The following IMMP2L variants were observed in gnomAD, a reference collection of about 807,000 sequenced individuals.
IMMP2L encodes the protein mitochondrial inner membrane protease subunit 2.
A neutral mutation model predicts 19.3 loss-of-function variants in IMMP2L; 18 were observed. That is an observed-to-expected ratio of 0.93 (90% CI 0.64 to 1.38). The LOEUF is 1.38. Among genes scored for constraint, IMMP2L ranks in the 40% most tolerant of loss-of-function variants. The pLI, the probability that IMMP2L is intolerant of heterozygous loss-of-function variation, is 0.00. For missense variants in IMMP2L, 233 were observed against 218.2 expected (o/e 1.07, Z -0.43); for synonymous variants, 76 against 73.0 (o/e 1.04, Z -0.21).
chr7:110,818,038 A>T (rs1475573682), intron 5 of IMMP2L, among the ~76,000 whole-genome samples: 1 of 149,508 alleles, frequency 6.7e-6, no homozygotes, highest in South Asian at 2.1e-4. Context: ...ATTACCATTC[A>T]GGACATAGGC....
chr7:110,726,120 A>C (rs1795869315), intron 5 of IMMP2L, among the ~76,000 whole-genome samples: 1 of 152,188 alleles, frequency 6.6e-6, no homozygotes, highest in East Asian at 1.9e-4. Context: ...CTCCTATATC[A>C]AACTGCCTCT....
intron 3 of IMMP2L, among the ~76,000 whole-genome samples, chr7:111,221,695 A>T (rs1812536994): frequency 6.6e-6 from 1 of 152,024 alleles, no homozygotes; most frequent in African/African-American, 2.4e-5. Context: ...ATTTGTGGCA[A>T]TTAATAGATC....
intron 3 of IMMP2L, among the ~76,000 whole-genome samples, chr7:111,249,981 T>C (rs939001121): frequency 3.3e-5 from 5 of 152,138 alleles, no homozygotes; most frequent in Non-Finnish European, 2.9e-5. Flanking sequence ...TGTTTGCAGA[T>C]GACATAATCC....
At chr7:111,073,628 T>G (rs182903364) in intron 3 of IMMP2L, among the ~76,000 whole-genome samples, 2 of 152,270 alleles carry the variant, frequency 1.3e-5, no homozygotes, top group African/African-American at 4.8e-5. Flanking sequence ...GATTATTCCC[T>G]GTGGCATCAT....
intron 4 of IMMP2L, among the ~76,000 whole-genome samples, chr7:110,888,241 AGT>A (rs1169689694): frequency 6.6e-6 from 1 of 152,218 alleles, no homozygotes; most frequent in Non-Finnish European, 1.5e-5. Flanking sequence ...CTGTAATATA[AGT>A]GTTCTTCAAT....
At chr7:110,805,048 A>T (rs1801529826) in intron 5 of IMMP2L, among the ~76,000 whole-genome samples, 1 of 152,140 alleles carries the variant, frequency 6.6e-6, no homozygotes, top group South Asian at 2.1e-4. Flanking sequence ...GAAAAAATTG[A>T]CTTTAATATT....
intron 4 of IMMP2L, among the ~76,000 whole-genome samples, chr7:110,957,416 G>A (rs1187238672): frequency 6.6e-6 from 1 of 151,954 alleles, no homozygotes; most frequent in Admixed American, 6.6e-5. Context: ...CAAGAAGCTA[G>A]ATATTATTTT....
chr7:111,536,042 C>T (rs1232333599), intron 1 of IMMP2L, among the ~76,000 whole-genome samples: 2 of 151,908 alleles, frequency 1.3e-5, no homozygotes. Flanking sequence ...CAAAAGGAGA[C>T]GGGAGCTTGC....
chr7:110,889,440 C>T (rs978085347), intron 4 of IMMP2L, among the ~76,000 whole-genome samples: 18 of 152,072 alleles, frequency 1.2e-4, no homozygotes, highest in African/African-American at 3.4e-4. Flanking sequence ...CCCTCACATG[C>T]GCATTTCACA....
intron 3 of IMMP2L, among the ~76,000 whole-genome samples, chr7:111,032,318 C>A (rs1446389340): frequency 6.6e-6 from 1 of 151,960 alleles, no homozygotes; most frequent in African/African-American, 2.4e-5. Context: ...ATGTGTAGAC[C>A]TACATAAATA....
At chr7:111,043,699 A>G (rs1792110268) in intron 3 of IMMP2L, among the ~76,000 whole-genome samples, 1 of 152,250 alleles carries the variant, frequency 6.6e-6, no homozygotes, top group South Asian at 2.1e-4. Flanking sequence ...AACACCAGAA[A>G]TAATTATATC....
At chr7:111,162,622 G>A (rs1347844927) in intron 3 of IMMP2L, among the ~76,000 whole-genome samples, 1 of 151,412 alleles carries the variant, frequency 6.6e-6, no homozygotes, top group African/African-American at 2.4e-5. Flanking sequence ...GAGGATTCCA[G>A]ATTTTGAGCG....
At chr7:111,211,616 T>G (rs903502818) in intron 3 of IMMP2L, among the ~76,000 whole-genome samples, 7 of 152,280 alleles carry the variant, frequency 4.6e-5, no homozygotes, top group African/African-American at 1.7e-4. Context: ...TGTGAAAAAC[T>G]TGGGGATTAT....
chr7:110,861,867 ATG>A (rs1807463410), intron 5 of IMMP2L, among the ~76,000 whole-genome samples: 1 of 152,132 alleles, frequency 6.6e-6, no homozygotes, highest in Non-Finnish European at 1.5e-5. Flanking sequence ...TTTACCAAAT[ATG>A]TGTCTATTAT....
In IMMP2L at chr7:111,197,356, G is replaced by T. The variant is rs992852025; in HGVS notation, c.240-233791C>A. ...CGGGCGCCTGTAGTCCCAGCTACTC[G>T]GGAGGCTGAGGCAGGAGAACGGCGT... On this transcript the variant is annotated intron_variant, in intron 3 of 5. Transcript: ENST00000405709. 2.6e-5 allele frequency among the ~76,000 whole-genome samples: 4 copies of T among 152,130 alleles called. No individual in the cohort carries two copies. In the East Asian group the frequency reaches 7.7e-4, roughly 29 times the overall value.
At chr7:111,001,232 A>G (rs1563148894) in intron 3 of IMMP2L, among the ~76,000 whole-genome samples, 1 of 152,186 alleles carries the variant, frequency 6.6e-6, no homozygotes, top group African/African-American at 2.4e-5. Context: ...TTGTACTTTT[A>G]AAACATTGTT....
At chr7:111,476,769 A>T (rs1212098301) in intron 3 of IMMP2L, among the ~76,000 whole-genome samples, 1 of 152,118 alleles carries the variant, frequency 6.6e-6, no homozygotes, top group Non-Finnish European at 1.5e-5. Flanking sequence ...CTGAATCTTC[A>T]AAGGCTGTAA....
Position 111,388,783 on chromosome 7 carries a change from A to C in IMMP2L, c.239+98455T>G, listed in dbSNP as rs181055667. On this transcript the variant is annotated intron_variant, in intron 3 of 5. Coordinates refer to ENST00000405709, the MANE Select transcript of IMMP2L (RefSeq NM_032549.4). ...CAGGAAAGACCGGCCCCCATGATTC[A>C]ATTACCTCCCCCTGGGTCCCTCCCA... Among the ~76,000 whole-genome samples, 10 of 152,170 alleles carry C rather than the reference A, an allele frequency of 6.6e-5. No individual in the cohort carries two copies. The East Asian group carries it at 1.2e-3, about 18-fold the overall frequency.
rs114893211 is a variant in IMMP2L at position 111,182,575 on chromosome 7, G to A, written c.240-219010C>T. Among the ~76,000 whole-genome samples the A allele has an allele frequency of 4.0e-3, 601 of 151,744 alleles. 9 individuals are homozygous for A. The highest frequency in any genetic ancestry group is 0.014 in the African/African-American group (581 of 41,340). On this transcript the variant is annotated intron_variant, in intron 3 of 5. Transcript: ENST00000405709. ...GGAAGACAATAAGATTGAAAAATGA[G>A]AATTAGAAAAGAGAGTACAAAGTAC...
Sources: gnomAD v4.1 joint callset for allele counts (sites outside exome capture counted in the v4.1 genomes callset) on GRCh38, gnomAD v4.1.1 for gene constraint, MANE v1.5 for transcripts, NCBI Gene and HGNC (gene_info 2026-07-23, HGNC 2026-07-21) for gene names.